The following KDM1A variants were observed in gnomAD, a reference collection of about 807,000 sequenced individuals.
KDM1A encodes lysine-specific histone demethylase 1A.
KDM1A carries 49 observed loss-of-function variants against 109.4 expected under a neutral mutation model. The observed-to-expected ratio is 0.45, with a 90% confidence interval of 0.36 to 0.57. The LOEUF (loss-of-function observed/expected upper bound fraction) is 0.57. Among genes scored for constraint, KDM1A ranks in the 20% least tolerant of loss-of-function variants. The probability of loss-of-function intolerance (pLI) is 0.00; values close to 1 mark genes in which losing one functional copy is unlikely to be tolerated. For missense variants in KDM1A, 668 were observed against 1,116.6 expected, an observed-to-expected ratio of 0.60 and a Z score of 5.73; for synonymous variants, 380 against 415.4, an observed-to-expected ratio of 0.91 and a Z score of 1.04.
Position 23,079,539 on chromosome 1 carries a change from C to G in KDM1A, c.2056-14C>G. ...GCCCCTGTCACTGGCTCATGTGCTTCTTTCTTATGGTAGGTGGTGTTGTGT... is the reference window on the plus strand; with the variant it reads ...GCCCCTGTCACTGGCTCATGTGCTTGTTTCTTATGGTAGGTGGTGTTGTGT... On this transcript the variant is annotated splice_polypyrimidine_tract_variant and intron_variant, in intron 17 of 20. Transcript: ENST00000400181. This position sits in a 1 kb window ranked among gnomAD's most constrained non-coding sequence, Gnocchi z 5.6. 6 of 1,605,504 alleles carry G rather than the reference C, an allele frequency of 3.7e-6. No individual in the cohort carries two copies. Among genetic ancestry groups the G allele is most frequent in the Non-Finnish European group, 5.1e-6 (6 of 1,174,470 alleles).
chr1:23,068,829 A>T, intron 11 of KDM1A, 148 bp downstream of exon 11: 1 of 712,604 alleles, frequency 1.4e-6, no homozygotes, highest in Non-Finnish European at 2.1e-6. Context: ...AAAATTATTT[A>T]AAATAATTAT....
chr1:23,042,874 G>A (rs184927946), intron 2 of KDM1A, among the ~76,000 whole-genome samples: 53 of 151,734 alleles, frequency 3.5e-4, no homozygotes, highest in African/African-American at 9.7e-4. Flanking sequence ...TCAGCCTCCC[G>A]AGTAGCTGGG....
At chr1:23,050,663 T>C (rs1642641773) in intron 4 of KDM1A, 143 bp downstream of exon 4, 1 of 665,174 alleles carries the variant, frequency 1.5e-6, no homozygotes, top group Admixed American at 4.0e-5. Context: ...CCTTTGTTAA[T>C]AGTTATTTTT....
chr1:23,050,134 G>T (rs1457939682), intron 3 of KDM1A, among the ~76,000 whole-genome samples: 1 of 152,148 alleles, frequency 6.6e-6, no homozygotes, highest in Non-Finnish European at 1.5e-5. Context: ...ATATGATAAA[G>T]TTATTTTATG....
At chr1:23,066,136 A>C in intron 10 of KDM1A, 65 bp downstream of exon 10, 1 of 1,117,006 alleles carries the variant, frequency 9.0e-7, no homozygotes, top group Non-Finnish European at 1.3e-6. Flanking sequence ...TAAAAGCTTG[A>C]AACCTAAATC....
rs1557484322 is a variant in KDM1A at position 23,019,955 on chromosome 1, TCGACCC to T, written c.351+9_351+14del. 6.5e-7 allele frequency: 1 copy of T among 1,535,890 alleles called. No individual in the cohort carries two copies. The highest frequency in any genetic ancestry group is 8.7e-7 in the Non-Finnish European group (1 of 1,145,290). ...CGGCGCAAGCGGGCGAAGGTAAGGC[TCGACCC>T]TTCCCTCAAACGACACCGCCTGGTG... On this transcript the variant is annotated intron_variant, in intron 1 of 20. Coordinates refer to ENST00000400181, the MANE Select transcript of KDM1A (RefSeq NM_001009999.3).
chr1:23,050,381 C>G lies in KDM1A; in HGVS notation c.578-6C>G. The G allele has an allele frequency of 6.3e-7, 1 of 1,598,212 alleles. No individual in the cohort carries two copies. Among genetic ancestry groups the G allele is most frequent in the Non-Finnish European group, 8.5e-7 (1 of 1,174,456 alleles). ...TTTCCTAGATGTCCTTTGCTTTCTT[C>G]GTTAGGTGTGGAGGGCGCAGCTTTC... On this transcript the variant is annotated splice_polypyrimidine_tract_variant and splice_region_variant and intron_variant, in intron 3 of 20. Transcript: ENST00000400181.
At chr1:23,033,642 A>C (rs990333354) in intron 2 of KDM1A, among the ~76,000 whole-genome samples, 2 of 152,268 alleles carry the variant, frequency 1.3e-5, no homozygotes, top group African/African-American at 4.8e-5. Context: ...TAATCTTAAC[A>C]GGAAGTAAAT....
At chr1:23,076,123 A>G (rs966179480) in intron 15 of KDM1A, among the ~76,000 whole-genome samples, 1 of 152,158 alleles carries the variant, frequency 6.6e-6, no homozygotes, top group Non-Finnish European at 1.5e-5. Context: ...TGATGTTTCA[A>G]TATGTGTCTA....
intron 20 of KDM1A, chr1:23,082,894 T>C (rs937666748): frequency 2.6e-5 from 7 of 272,792 alleles, no homozygotes; most frequent in African/African-American, 1.5e-4. Context: ...AAGGTAGTTA[T>C]ACATGAGGGA....
Position 23,083,289 on chromosome 1 carries a change from GT to G in KDM1A, c.2561del (p.Leu854TrpfsTer29), listed in dbSNP as rs1643675950. On this transcript the variant is annotated frameshift_variant, in exon 21 of 21. Coordinates refer to ENST00000400181, the MANE Select transcript of KDM1A (RefSeq NM_001009999.3). LOFTEE classifies it high-confidence loss of function. ...GAGAAGCGGGAAGAATTGCAGACCAGTTTTTGGGGGCCATGTATACGCTGCC... is the reference window on the plus strand; with the variant it reads ...GAGAAGCGGGAAGAATTGCAGACCAGTTTTGGGGGCCATGTATACGCTGCC... ...LREAGRIADQ[F>X]LGAMYTLPRQ... The G allele has an allele frequency of 2.5e-6, 4 of 1,613,890 alleles. No individual in the cohort carries two copies. The highest frequency in any genetic ancestry group is 3.4e-6 in the Non-Finnish European group (4 of 1,179,992).
chr1:23,081,419 C>T (rs1398421870), intron 18 of KDM1A, 27 bp from the exon 19 acceptor site: 1 of 1,613,176 alleles, frequency 6.2e-7, no homozygotes, highest in Admixed American at 1.7e-5. Flanking sequence ...TAGGAAAACC[C>T]TAGAATTATC....
Position 23,038,802 on chromosome 1 carries a change from T to G in KDM1A, c.518-5625T>G, listed in dbSNP as rs138249797. On this transcript the variant is annotated intron_variant, in intron 2 of 20. Coordinates refer to ENST00000400181, the MANE Select transcript of KDM1A (RefSeq NM_001009999.3). ...AAGCTCCTGCTTCAAGCAAAACAAT[T>G]TTTCTTTTTTTCTAAACCTTAAGAA... 4.4e-4 allele frequency among the ~76,000 whole-genome samples: 67 copies of G among 152,268 alleles called. 1 individual carries two copies. In the South Asian group the frequency reaches 6.8e-3, roughly 16 times the overall value.
chr1:23,081,925 G>C, intron 19 of KDM1A: 1 of 428,290 alleles, frequency 2.3e-6, no homozygotes, highest in South Asian at 4.1e-5. Flanking sequence ...TAACCCTTTA[G>C]GATTCCTTTG....
intron 1 of KDM1A, among the ~76,000 whole-genome samples, chr1:23,024,764 T>G (rs1641744265): frequency 6.6e-6 from 1 of 152,244 alleles, no homozygotes; most frequent in East Asian, 1.9e-4. Context: ...TTTTTGGAGT[T>G]TAAGTATTTC....
chr1:23,070,487 A>T (rs1643285560), intron 12 of KDM1A, among the ~76,000 whole-genome samples: 1 of 150,906 alleles, frequency 6.6e-6, no homozygotes, highest in African/African-American at 2.4e-5. Context: ...AAAAAAAAAA[A>T]ATTCTTTGAC....
chr1:23,024,596 T>G (rs1358588617), intron 1 of KDM1A, among the ~76,000 whole-genome samples: 1 of 152,262 alleles, frequency 6.6e-6, no homozygotes, highest in African/African-American at 2.4e-5. Context: ...AATTCACTTT[T>G]GGGCATGTGT....
At position 23,071,370 on chromosome 1, in the gene KDM1A, C is replaced by T. The variant is rs1474637714; in HGVS notation, c.1548+11C>T. The T allele has an allele frequency of 1.3e-6, 2 of 1,579,860 alleles. No individual in the cohort carries two copies. The highest frequency in any genetic ancestry group is 1.7e-6 in the Non-Finnish European group (2 of 1,170,072). ...ACCGCCCTATGCAAGGTGTGGTATA[C>T]ATACATGCCTAACTGGTTTTACTTG... On this transcript the variant is annotated intron_variant, in intron 13 of 20. Coordinates refer to ENST00000400181, the MANE Select transcript of KDM1A (RefSeq NM_001009999.3).
chr1:23,032,949 G>T (rs910847696), intron 2 of KDM1A, among the ~76,000 whole-genome samples: 4 of 152,344 alleles, frequency 2.6e-5, no homozygotes, highest in African/African-American at 9.6e-5. Flanking sequence ...GCCCAGGCTG[G>T]AGTGCAGTGG....
Sources: allele counts gnomAD v4.1 joint callset (sites outside exome capture counted in the v4.1 genomes callset), GRCh38; gene constraint gnomAD v4.1.1; non-coding constraint Gnocchi (gnomAD v3.1); transcripts MANE v1.5; gene names NCBI Gene and HGNC (gene_info 2026-07-23, HGNC 2026-07-21).